Variants in KDM4C observed in about 807,000 individuals in gnomAD.
The protein encoded by KDM4C is lysine-specific demethylase 4C.
A neutral mutation model predicts 129.3 loss-of-function variants in KDM4C; 81 were observed. The ratio of observed to expected loss-of-function variants is 0.63; its 90% confidence interval spans 0.52 to 0.75. KDM4C has a LOEUF of 0.75. KDM4C is among the 30% of genes least tolerant of loss of function. KDM4C has a pLI of 0.00. For missense variants in KDM4C, 1,457 were observed against 1,304.0 expected (o/e 1.12, Z -1.81); for synonymous variants, 573 against 456.1 (o/e 1.26, Z -3.26).
intron 17 of KDM4C, among the ~76,000 whole-genome samples, chr9:7,060,722 C>T (rs191567207): frequency 6.8e-4 from 103 of 152,122 alleles, no homozygotes; most frequent in Non-Finnish European, 1.1e-3. Context: ...CCTCGTGATC[C>T]GCCTGCCTCG....
chr9:7,144,106 T>TTTTTTG (rs890373229), intron 19 of KDM4C, among the ~76,000 whole-genome samples: 5 of 152,218 alleles, frequency 3.3e-5, no homozygotes, highest in South Asian at 4.1e-4. Flanking sequence ...TTTTTGTTTT[T>TTTTTTG]TTTTTGTTTT....
chr9:6,855,309 A>G lies in KDM4C; in HGVS notation c.629+5609A>G, dbSNP rs373685369. On this transcript the variant is annotated intron_variant, in intron 5 of 21. Coordinates refer to ENST00000381309, the MANE Select transcript of KDM4C (RefSeq NM_015061.6). ...CCGCATCTGTACTAAAAATACAAAAATTAGCTGGGCATGGTGGTGCATGAC... is the reference window on the plus strand; with the variant it reads ...CCGCATCTGTACTAAAAATACAAAAGTTAGCTGGGCATGGTGGTGCATGAC... Among the ~76,000 whole-genome samples, 75 of 152,048 alleles carry G rather than the reference A, an allele frequency of 4.9e-4. 1 individual carries two copies. The South Asian group carries it at 0.014, about 28-fold the overall frequency.
chr9:6,877,692 G>A (rs994876391), intron 5 of KDM4C, among the ~76,000 whole-genome samples: 4 of 152,148 alleles, frequency 2.6e-5, no homozygotes, highest in African/African-American at 9.7e-5. Flanking sequence ...TGCTGAGTGG[G>A]GTAGTGCTCT....
intron 17 of KDM4C, among the ~76,000 whole-genome samples, chr9:7,072,098 A>G (rs4740870): frequency 0.58 from 87,681 of 152,030 alleles, 26,353 homozygotes; most frequent in South Asian, 0.68. Flanking sequence ...TAGAACCACA[A>G]TGATATGTCA....
intron 13 of KDM4C, among the ~76,000 whole-genome samples, chr9:7,012,318 A>G (rs187770743): frequency 2.6e-5 from 4 of 152,284 alleles, no homozygotes; most frequent in Non-Finnish European, 4.4e-5. Flanking sequence ...GCCTCAAGCA[A>G]TCCTTCCGCT....
In KDM4C at chr9:6,981,107, A is replaced by G; in HGVS notation, c.1104A>G (p.Lys368=). Residue 368 remains lysine (K), a synonymous_variant, in exon 9 of 22, where the codon AAA becomes AAG. Coordinates refer to ENST00000381309, the MANE Select transcript of KDM4C (RefSeq NM_015061.6). The part of the protein sequence containing the change: ...AWLQRRRKVR[K]ASRSFQCARS... ...TGCAGAGGAGGAGGAAAGTAAGAAAAGCATCCCGAAGGTAATGACCCCTCA... is the reference window on the plus strand; with the variant it reads ...TGCAGAGGAGGAGGAAAGTAAGAAAGGCATCCCGAAGGTAATGACCCCTCA... 6.2e-7 allele frequency: 1 copy of G among 1,611,134 alleles called. No homozygotes were observed. The highest frequency in any genetic ancestry group is 8.5e-7 in the Non-Finnish European group (1 of 1,178,832).
chr9:6,943,544 G>C (rs147223094), intron 8 of KDM4C, among the ~76,000 whole-genome samples: 2 of 151,952 alleles, frequency 1.3e-5, no homozygotes, highest in South Asian at 2.1e-4. Flanking sequence ...GCATGGTGGC[G>C]TGTGCCTCTG....
chr9:7,044,372 G>A (rs987959713), intron 15 of KDM4C, among the ~76,000 whole-genome samples: 2 of 151,922 alleles, frequency 1.3e-5, no homozygotes, highest in African/African-American at 4.8e-5. Context: ...GCCCTCTGAG[G>A]CCATATTAGG....
chr9:7,042,781 G>A (rs1050069936), intron 15 of KDM4C, among the ~76,000 whole-genome samples: 1 of 152,028 alleles, frequency 6.6e-6, no homozygotes, highest in Non-Finnish European at 1.5e-5. Flanking sequence ...GAGAAAAGGT[G>A]CATGGACATT....
At chr9:7,064,614 T>A in intron 17 of KDM4C, among the ~76,000 whole-genome samples, 1 of 152,206 alleles carries the variant, frequency 6.6e-6, no homozygotes. Flanking sequence ...CGTGCAAGGC[T>A]CCTCAATACT....
At position 6,984,158 on chromosome 9, in the gene KDM4C, G is replaced by T. The variant is rs1481349126; in HGVS notation, c.1116-8G>T. ...TCCCGCTCTGACCACTGCTTCTCTT[G>T]TTGACAGCTTCCAGTGTGCTAGGTC... On this transcript the variant is annotated splice_polypyrimidine_tract_variant and splice_region_variant and intron_variant, in intron 9 of 21. Transcript: ENST00000381309. 1 of 1,596,690 alleles carries T rather than the reference G, an allele frequency of 6.3e-7. No homozygotes were observed. Among genetic ancestry groups the T allele is most frequent in the Non-Finnish European group, 8.6e-7 (1 of 1,164,752 alleles).
At position 7,007,373 on chromosome 9, in the gene KDM4C, A is replaced by G. The variant is rs1013035971; in HGVS notation, c.1787-4325A>G. On this transcript the variant is annotated intron_variant, in intron 12 of 21. Transcript: ENST00000381309. ...AAGAGGCTCACTGACTGAGGAAGAAAAAAATGAAGTGCTCTTGGCATAAAA... is the reference window on the plus strand; with the variant it reads ...AAGAGGCTCACTGACTGAGGAAGAAGAAAATGAAGTGCTCTTGGCATAAAA... Among the ~76,000 whole-genome samples the G allele has an allele frequency of 2.6e-5, 4 of 152,240 alleles. No individual in the cohort carries two copies. The South Asian group carries it at 8.3e-4, about 31-fold the overall frequency.
intron 18 of KDM4C, among the ~76,000 whole-genome samples, chr9:7,118,289 A>T (rs1394984812): frequency 2.0e-5 from 3 of 152,244 alleles, no homozygotes; most frequent in African/African-American, 7.2e-5. Context: ...GAACATACAC[A>T]CATGTGGAAA....
chr9:6,769,367 T>C (rs553397341), intron 1 of KDM4C, among the ~76,000 whole-genome samples: 20 of 152,144 alleles, frequency 1.3e-4, no homozygotes, highest in Non-Finnish European at 2.6e-4. Context: ...TTTTCTTTTT[T>C]GGCAGCTGGA....
intron 1 of KDM4C, among the ~76,000 whole-genome samples, chr9:6,787,886 G>C (rs1297471097): frequency 6.6e-6 from 1 of 152,180 alleles, no homozygotes; most frequent in African/African-American, 2.4e-5. Flanking sequence ...AACTAAGAGG[G>C]GGAGGAACCC....
At chr9:6,756,965 T>C (rs550114430), upstream of KDM4C, among the ~76,000 whole-genome samples, 1 of 152,334 alleles carries the variant, frequency 6.6e-6, no homozygotes, top group African/African-American at 2.4e-5. Flanking sequence ...GGTGTGAAGA[T>C]ATGCCCAATC....
intron 3 of KDM4C, among the ~76,000 whole-genome samples, chr9:6,806,281 G>C (rs1055869720): frequency 5.9e-5 from 9 of 152,212 alleles, no homozygotes; most frequent in African/African-American, 2.2e-4. Flanking sequence ...GATCACCTGA[G>C]GTCGGGAGTT....
At chr9:6,782,682 A>G (rs1420839121) in intron 1 of KDM4C, among the ~76,000 whole-genome samples, 1 of 152,068 alleles carries the variant, frequency 6.6e-6, no homozygotes, top group Non-Finnish European at 1.5e-5. Flanking sequence ...GTCTTTGAGG[A>G]GGGAGGGGAA....
Position 6,997,340 on chromosome 9 carries a change from A to G in KDM4C, c.1786+6816A>G, listed in dbSNP as rs574422537. Among the ~76,000 whole-genome samples, 3 of 152,286 alleles carry G rather than the reference A, an allele frequency of 2.0e-5. No individual in the cohort carries two copies. The East Asian group carries it at 5.8e-4, about 29-fold the overall frequency. ...CGGAGCTGGAGCCTTAAAAGCCTAC[A>G]CCTTTACTTAAGTGCACACTTGAGA... On this transcript the variant is annotated intron_variant, in intron 12 of 21. Coordinates refer to ENST00000381309, the MANE Select transcript of KDM4C (RefSeq NM_015061.6).
Sources: allele counts gnomAD v4.1 joint callset (sites outside exome capture counted in the v4.1 genomes callset), GRCh38; gene constraint gnomAD v4.1.1; transcripts MANE v1.5; gene names NCBI Gene and HGNC (gene_info 2026-07-23, HGNC 2026-07-21).